Variants in HPSE2 observed in about 807,000 individuals in gnomAD.
The protein encoded by HPSE2 is heparanase 2 (inactive), also known as inactive heparanase-2.
In HPSE2, 38 loss-of-function variants were observed where a neutral mutation model predicts 60.5. The ratio of observed to expected loss-of-function variants is 0.63; its 90% confidence interval spans 0.48 to 0.82. The LOEUF (loss-of-function observed/expected upper bound fraction) is 0.82. Ranked by LOEUF, HPSE2 falls within the 40% of genes least tolerant of loss-of-function variation. The probability of loss-of-function intolerance (pLI) is 0.00; values close to 1 mark genes in which losing one functional copy is unlikely to be tolerated. For missense variants in HPSE2, 713 were observed against 740.4 expected, an observed-to-expected ratio of 0.96 and a Z score of 0.43; for synonymous variants, 295 against 293.2, an observed-to-expected ratio of 1.01 and a Z score of -0.06.
the HPSE2 span, among the ~76,000 whole-genome samples, chr10:99,300,971 T>C: frequency 1.3e-5 from 2 of 152,100 alleles, no homozygotes; most frequent in Non-Finnish European, 2.9e-5. Context: ...AAAAACCAAA[T>C]GGGGAGTATA....
intron 9 of HPSE2, among the ~76,000 whole-genome samples, chr10:98,558,799 A>G (rs543093): frequency 0.043 from 6,556 of 152,286 alleles, 151 homozygotes; most frequent in South Asian, 0.082. Context: ...TGTTTCCAAT[A>G]TCTCACGAAA....
chr10:98,866,121 T>C (rs2134802948), intron 3 of HPSE2, among the ~76,000 whole-genome samples: 1 of 152,168 alleles, frequency 6.6e-6, no homozygotes, highest in South Asian at 2.1e-4. Flanking sequence ...GTTAGAATTA[T>C]CAAAGAATGA....
At chr10:98,898,685 C>T (rs895042536) in intron 3 of HPSE2, among the ~76,000 whole-genome samples, 11 of 151,994 alleles carry the variant, frequency 7.2e-5, no homozygotes, top group Admixed American at 4.6e-4. Context: ...AATAAAACAG[C>T]ACACAAAAGT....
intron 4 of HPSE2, among the ~76,000 whole-genome samples, chr10:98,726,402 G>C (rs1267812633): frequency 6.7e-6 from 1 of 148,482 alleles, no homozygotes; most frequent in African/African-American, 2.5e-5. Flanking sequence ...ACCAAATGCC[G>C]CATGTTCTCA....
chr10:98,633,682 G>A lies in HPSE2; in HGVS notation c.1098+8165C>T, dbSNP rs189337170. On this transcript the variant is annotated intron_variant, in intron 7 of 11. Coordinates refer to ENST00000370552, the MANE Select transcript of HPSE2 (RefSeq NM_021828.5). ...GCTTCTGGTCAACAGCAGGCTATTA[G>A]CAGTTAAGTTTTGGGGGAGTCAAAA... is the stretch of plus-strand genomic sequence containing the variant. 3.9e-5 allele frequency among the ~76,000 whole-genome samples: 6 copies of A among 152,294 alleles called. No homozygotes were observed. In the East Asian group the frequency reaches 1.2e-3, roughly 29 times the overall value.
chr10:99,268,129 G>A, the HPSE2 span, among the ~76,000 whole-genome samples: 1 of 152,236 alleles, frequency 6.6e-6, no homozygotes, highest in East Asian at 1.9e-4. Flanking sequence ...AAGCTAGAAG[G>A]GATTGGGGCC....
intron 9 of HPSE2, among the ~76,000 whole-genome samples, chr10:98,580,104 GC>G (rs1564984918): frequency 6.6e-6 from 1 of 152,118 alleles, no homozygotes; most frequent in African/African-American, 2.4e-5. Context: ...GCAGTCTCCC[GC>G]GTTGATGAGA....
At chr10:98,966,694 A>C (rs1489169667) in intron 3 of HPSE2, among the ~76,000 whole-genome samples, 1 of 152,176 alleles carries the variant, frequency 6.6e-6, no homozygotes, top group Non-Finnish European at 1.5e-5. Flanking sequence ...AGGTAGAAAA[A>C]ATAAGTTCTA....
At chr10:98,635,665 T>C (rs1200543156) in intron 7 of HPSE2, among the ~76,000 whole-genome samples, 1 of 151,920 alleles carries the variant, frequency 6.6e-6, no homozygotes, top group Non-Finnish European at 1.5e-5. Context: ...GCTTGTAGTT[T>C]CAGCTACTTG....
rs12262955 is a variant in HPSE2 at position 98,696,306 on chromosome 10, A to C, written c.957-2359T>G. Among the ~76,000 whole-genome samples, 435 of 132,740 alleles carry C rather than the reference A, an allele frequency of 3.3e-3. 1 individual carries two copies. Among genetic ancestry groups the C allele is most frequent in the Non-Finnish European group, 5.6e-3 (326 of 58,714 alleles). The allele number at this position is 132,740 out of a possible 152,430, so 87.1% of individuals were successfully genotyped here. ...AGAGGCTCCCATAAAAAAAAAAAAA[A>C]AAAAAAAAAAAACCATAATAGCGAG... On this transcript the variant is annotated intron_variant, in intron 5 of 11. Coordinates refer to ENST00000370552, the MANE Select transcript of HPSE2 (RefSeq NM_021828.5).
chr10:98,965,004 A>G (rs1480190462), intron 3 of HPSE2, among the ~76,000 whole-genome samples: 3 of 152,026 alleles, frequency 2.0e-5, no homozygotes, highest in Admixed American at 6.6e-5. Flanking sequence ...CATGTTTCCA[A>G]TTTCCAGATA....
intron 3 of HPSE2, among the ~76,000 whole-genome samples, chr10:99,138,637 C>T (rs1845750686): frequency 6.6e-6 from 1 of 152,160 alleles, no homozygotes; most frequent in African/African-American, 2.4e-5. Flanking sequence ...AAAACTATCA[C>T]AAGAACAGAA....
At chr10:99,015,265 C>A (rs2135411730) in intron 3 of HPSE2, among the ~76,000 whole-genome samples, 1 of 152,166 alleles carries the variant, frequency 6.6e-6, no homozygotes, top group South Asian at 2.1e-4. Flanking sequence ...TGTGGCGATT[C>A]CTCAGGGATC....
chr10:99,108,054 C>G (rs1844315480), intron 3 of HPSE2, among the ~76,000 whole-genome samples: 1 of 152,130 alleles, frequency 6.6e-6, no homozygotes, highest in Non-Finnish European at 1.5e-5. Context: ...CTATTCCTCT[C>G]TAGATGAAGG....
chr10:98,609,395 T>G (rs1417146062), intron 9 of HPSE2, among the ~76,000 whole-genome samples: 2 of 149,402 alleles, frequency 1.3e-5, no homozygotes, highest in Non-Finnish European at 2.9e-5. Context: ...TGCATAGTTA[T>G]TTAAACACAA....
At chr10:99,138,287 TTGG>T (rs1362162810) in intron 3 of HPSE2, among the ~76,000 whole-genome samples, 2 of 152,170 alleles carry the variant, frequency 1.3e-5, no homozygotes, top group African/African-American at 4.8e-5. Context: ...TTTTACACTG[TTGG>T]TGGGAGTGTA....
chr10:98,748,431 A>G (rs1949677751), intron 3 of HPSE2, among the ~76,000 whole-genome samples: 1 of 152,226 alleles, frequency 6.6e-6, no homozygotes, highest in Non-Finnish European at 1.5e-5. Context: ...AAATTTGCTC[A>G]GGTTCCATCA....
At chr10:98,671,033 A>AG (rs1339927795) in intron 6 of HPSE2, among the ~76,000 whole-genome samples, 1 of 152,214 alleles carries the variant, frequency 6.6e-6, no homozygotes, top group East Asian at 1.9e-4. Flanking sequence ...TGGTGTTAAA[A>AG]AAATTTTGGA....
the HPSE2 span, among the ~76,000 whole-genome samples, chr10:99,272,764 A>T: frequency 2.0e-5 from 3 of 152,240 alleles, no homozygotes; most frequent in South Asian, 2.1e-4. Flanking sequence ...AAAAAAAAAT[A>T]AAAAAATAAT....
Sources: allele counts gnomAD v4.1 joint callset (sites outside exome capture counted in the v4.1 genomes callset), GRCh38; gene constraint gnomAD v4.1.1; transcripts MANE v1.5; gene names NCBI Gene and HGNC (gene_info 2026-07-23, HGNC 2026-07-21).